Variants in RGL1 observed in about 807,000 individuals in gnomAD.
The protein encoded by RGL1 is ral guanine nucleotide dissociation stimulator like 1.
Under a neutral mutation model 95.2 loss-of-function variants are expected in RGL1, and 24 were observed. That is an observed-to-expected ratio of 0.25 (90% CI 0.18 to 0.35). RGL1 has a LOEUF of 0.35. Ranked by LOEUF, RGL1 falls within the 10% of genes least tolerant of loss-of-function variation. The pLI, the probability that RGL1 is intolerant of heterozygous loss-of-function variation, is 1.00. For synonymous variants in RGL1, 329 were observed against 344.9 expected, an observed-to-expected ratio of 0.95 and a Z score of 0.51; for missense variants, 715 against 936.3, an observed-to-expected ratio of 0.76 and a Z score of 3.08.
At chr1:183,825,829 C>T (rs1490304936) in intron 2 of RGL1, among the ~76,000 whole-genome samples, 1 of 152,146 alleles carries the variant, frequency 6.6e-6, no homozygotes, top group Non-Finnish European at 1.5e-5. Context: ...GTTCAAATGT[C>T]ACCTTCTTGG....
At chr1:183,698,990 A>G (rs150022540) in intron 1 of RGL1, among the ~76,000 whole-genome samples, 2 of 152,394 alleles carry the variant, frequency 1.3e-5, no homozygotes, top group African/African-American at 2.4e-5. Context: ...AATGGAGAAT[A>G]GGAAGAACTA....
At chr1:183,649,879 A>G (rs1047295387) in intron 1 of RGL1, among the ~76,000 whole-genome samples, 3 of 152,164 alleles carry the variant, frequency 2.0e-5, no homozygotes, top group African/African-American at 7.2e-5. Flanking sequence ...TGAGATGATC[A>G]TGGCTCACTG....
At position 183,737,192 on chromosome 1, in the gene RGL1, G is replaced by A. The variant is rs1193704172; in HGVS notation, c.-32-4934G>A. Among the ~76,000 whole-genome samples, 5 of 152,134 alleles carry A rather than the reference G, an allele frequency of 3.3e-5. No homozygotes were observed. In the East Asian group the frequency reaches 9.6e-4, roughly 29 times the overall value. On this transcript the variant is annotated intron_variant, in intron 1 of 18. Transcript: ENST00000304685. ...AGTGATGGATAATTTTTATCTGATA[G>A]CAAGAACAGACACTAATAATGGCAA...
At chr1:183,725,610 A>G (rs1426635860) in intron 1 of RGL1, among the ~76,000 whole-genome samples, 1 of 152,238 alleles carries the variant, frequency 6.6e-6, no homozygotes, top group African/African-American at 2.4e-5. Context: ...GATGGAGTCA[A>G]TGAATCAATA....
At chr1:183,899,936 G>A (rs908218994) in intron 10 of RGL1, among the ~76,000 whole-genome samples, 5 of 152,174 alleles carry the variant, frequency 3.3e-5, no homozygotes, top group African/African-American at 1.2e-4. Context: ...TCCTGGCTTT[G>A]AGGCTTGGTT....
At chr1:183,766,449 G>A (rs1373122335) in intron 2 of RGL1, among the ~76,000 whole-genome samples, 1 of 151,914 alleles carries the variant, frequency 6.6e-6, no homozygotes, top group Non-Finnish European at 1.5e-5. Flanking sequence ...TTTTCTAAAG[G>A]ACAAGGTCAA....
intron 1 of RGL1, among the ~76,000 whole-genome samples, chr1:183,703,070 G>A (rs1201210738): frequency 6.6e-6 from 1 of 152,152 alleles, no homozygotes. Context: ...GACAAACACT[G>A]TTGGCACAAG....
At chr1:183,774,328 T>G (rs1659472060) in intron 2 of RGL1, among the ~76,000 whole-genome samples, 1 of 152,184 alleles carries the variant, frequency 6.6e-6, no homozygotes, top group Non-Finnish European at 1.5e-5. Flanking sequence ...TTTTGTTTGT[T>G]TTGTTATGAA....
rs982407826 is a variant in RGL1 at position 183,829,935 on chromosome 1, G to A, written c.139-17631G>A. On this transcript the variant is annotated intron_variant, in intron 2 of 17. Transcript: ENST00000360851. ...AAGCAGCTTTTTATAGGGAGCAATG[G>A]TTTCTACCGCCATTAGACAGTTGTT... Among the ~76,000 whole-genome samples, 7 of 152,164 alleles carry A rather than the reference G, an allele frequency of 4.6e-5. No individual in the cohort carries two copies. The East Asian group carries it at 1.4e-3, about 29-fold the overall frequency.
chr1:183,763,621 G>C (rs919942812), intron 2 of RGL1, among the ~76,000 whole-genome samples: 6 of 152,194 alleles, frequency 3.9e-5, no homozygotes, highest in Non-Finnish European at 8.8e-5. Context: ...GAGGGACTAA[G>C]AGGTTGGTCT....
intron 3 of RGL1, among the ~76,000 whole-genome samples, chr1:183,858,899 A>G (rs1665334824): frequency 6.6e-6 from 1 of 152,214 alleles, no homozygotes; most frequent in African/African-American, 2.4e-5. Flanking sequence ...ACTCATATTC[A>G]TTGTATTTGA....
At chr1:183,684,772 G>A (rs766097087) in intron 1 of RGL1, among the ~76,000 whole-genome samples, 2 of 152,218 alleles carry the variant, frequency 1.3e-5, no homozygotes, top group East Asian at 1.9e-4. Context: ...TGGGAAAAGC[G>A]TAGTGTCTGG....
At chr1:183,892,281 G>T (rs1226613917) in intron 9 of RGL1, 120 bp downstream of exon 9, 1 of 709,188 alleles carries the variant, frequency 1.4e-6, no homozygotes, top group Non-Finnish European at 2.2e-6. Flanking sequence ...AAAGTAACTA[G>T]AAGGCAAAAA....
At chr1:183,784,551 C>T (rs192262814) in intron 2 of RGL1, among the ~76,000 whole-genome samples, 15 of 152,266 alleles carry the variant, frequency 9.9e-5, no homozygotes, top group African/African-American at 3.4e-4. Flanking sequence ...ATACTCCATT[C>T]CAGAGTGCTG....
chr1:183,806,101 CAA>C (rs1278744567), intron 1 of RGL1, among the ~76,000 whole-genome samples: 7 of 142,988 alleles, frequency 4.9e-5, no homozygotes. Flanking sequence ...GACTTCAAAA[CAA>C]AACTATTTAA....
At chr1:183,875,951 T>G (rs1357859739) in intron 4 of RGL1, among the ~76,000 whole-genome samples, 1 of 152,074 alleles carries the variant, frequency 6.6e-6, no homozygotes, top group Non-Finnish European at 1.5e-5. Context: ...TATTTTTTAG[T>G]TTAACAGATC....
intron 2 of RGL1, among the ~76,000 whole-genome samples, chr1:183,763,927 C>T (rs1658833134): frequency 6.6e-6 from 1 of 152,126 alleles, no homozygotes; most frequent in Non-Finnish European, 1.5e-5. Flanking sequence ...CTGGAAAGCC[C>T]CACACTCCAG....
At chr1:183,760,583 AAAAAAAAAAAC>A (rs1658606682) in intron 2 of RGL1, among the ~76,000 whole-genome samples, 1 of 149,454 alleles carries the variant, frequency 6.7e-6, no homozygotes, top group Non-Finnish European at 1.5e-5. Context: ...AAAAAAAAAA[AAAAAAAAAAAC>A]AAACCTGGGT....
chr1:183,663,627 A>G (rs1651812538), intron 1 of RGL1, among the ~76,000 whole-genome samples: 1 of 152,012 alleles, frequency 6.6e-6, no homozygotes, highest in Non-Finnish European at 1.5e-5. Context: ...ACTGTAAACT[A>G]GTTCAACCCT....
Sources: allele counts gnomAD v4.1 joint callset (sites outside exome capture counted in the v4.1 genomes callset), GRCh38; gene constraint gnomAD v4.1.1; transcripts MANE v1.5; gene names NCBI Gene and HGNC (gene_info 2026-07-23, HGNC 2026-07-21).